STK24: variants seen among roughly 807,000 people sequenced by gnomAD.
STK24 encodes serine/threonine-protein kinase 24.
Under a neutral mutation model 55.6 loss-of-function variants are expected in STK24, and 21 were observed. The observed-to-expected ratio is 0.38, with a 90% CI of 0.27 to 0.54. The LOEUF (loss-of-function observed/expected upper bound fraction) is 0.54. Ranked by LOEUF, STK24 falls within the 20% of genes least tolerant of loss-of-function variation. The pLI, the probability that STK24 is intolerant of heterozygous loss-of-function variation, is 0.79. For synonymous variants in STK24, 200 were observed against 215.2 expected, an observed-to-expected ratio of 0.93 and a Z score of 0.62; for missense variants, 383 against 538.4, an observed-to-expected ratio of 0.71 and a Z score of 2.86.
chr13:98,474,342 T>C (rs72654399), intron 5 of STK24, among the ~76,000 whole-genome samples: 5,509 of 152,236 alleles, frequency 0.036, 148 homozygotes, highest in South Asian at 0.12. Context: ...CTCAAAGCAC[T>C]GTTCTTCCTC....
chr13:98,546,423 T>TA (rs929903345), intron 1 of STK24, among the ~76,000 whole-genome samples: 26 of 150,466 alleles, frequency 1.7e-4, no homozygotes, highest in African/African-American at 3.7e-4. Context: ...AATTTTGCTT[T>TA]AAAAAAAAAA....
chr13:98,536,281 C>G (rs1238220145), intron 1 of STK24, among the ~76,000 whole-genome samples: 3 of 152,158 alleles, frequency 2.0e-5, no homozygotes, highest in African/African-American at 4.8e-5. Context: ...TCCAGGCCAA[C>G]ACACTTCAGT....
chr13:98,519,761 T>C (rs1034716178), intron 1 of STK24, among the ~76,000 whole-genome samples: 2 of 152,200 alleles, frequency 1.3e-5, no homozygotes, highest in Non-Finnish European at 2.9e-5. Context: ...TTTTGTATAA[T>C]GAGGGTAAAT....
chr13:98,518,871 A>G (rs1216942879), intron 2 of STK24, among the ~76,000 whole-genome samples: 1 of 152,262 alleles, frequency 6.6e-6, no homozygotes, highest in Non-Finnish European at 1.5e-5. Context: ...CTGGTAAGTG[A>G]GAATATCAAA....
chr13:98,455,403 G>C (rs1893407724), intron 10 of STK24: 1 of 59,978 alleles, frequency 1.7e-5, no homozygotes, highest in Admixed American at 1.3e-4. Context: ...ACCATGCCTA[G>C]CTAAATTTTT....
chr13:98,520,807 A>G (rs1320769452), intron 1 of STK24, among the ~76,000 whole-genome samples: 2 of 152,242 alleles, frequency 1.3e-5, no homozygotes, highest in Admixed American at 1.3e-4. Flanking sequence ...CAGCGTGTCC[A>G]CCATGGCAAC....
chr13:98,446,901 T>G lies in STK24; in HGVS notation c.*6272A>C, dbSNP rs58789580. Reference sequence around the variant, plus strand: ...TCAGGATTTCTCCCAAGTCAGCGAGTGAGATGGCCCCACCCTTCCCTGCCA... The same window carrying G: ...TCAGGATTTCTCCCAAGTCAGCGAGGGAGATGGCCCCACCCTTCCCTGCCA... On this transcript the variant is annotated 3_prime_UTR_variant, in exon 11 of 11. Coordinates refer to ENST00000539966, the MANE Select transcript of STK24 (RefSeq NM_001032296.4). 1,683 of 1,445,082 alleles carry G rather than the reference T, an allele frequency of 1.2e-3. 26 individuals are homozygous for G. In the African/African-American group the frequency reaches 0.021, roughly 18 times the overall value. 89.5% of individuals were successfully genotyped at this position (1,445,082 alleles called of 1,614,324 possible). A position where few individuals can be genotyped will look rare whatever the true frequency, so the allele number is the denominator to read the frequency against.
intron 2 of STK24, among the ~76,000 whole-genome samples, chr13:98,500,244 C>G (rs1895400554): frequency 6.6e-6 from 1 of 152,202 alleles, no homozygotes; most frequent in Non-Finnish European, 1.5e-5. Flanking sequence ...TCAACCACAG[C>G]AAATGAGCAG....
At chr13:98,576,696 G>T in intron 1 of STK24, 49 bp downstream of exon 1, 1 of 1,433,226 alleles carries the variant, frequency 7.0e-7, no homozygotes, top group African/African-American at 1.5e-5. Context: ...CCAAGTTGCT[G>T]CTTCCGCCCC....
chr13:98,516,555 G>C (rs989548328), intron 2 of STK24, among the ~76,000 whole-genome samples: 6 of 149,116 alleles, frequency 4.0e-5, no homozygotes, highest in African/African-American at 1.6e-4. Context: ...TGTGGGTCAT[G>C]TGGCTGAGTT....
chr13:98,492,249 G>A (rs530084874), intron 2 of STK24, among the ~76,000 whole-genome samples: 2 of 152,166 alleles, frequency 1.3e-5, no homozygotes, highest in East Asian at 3.9e-4. Flanking sequence ...CCAAAATCAA[G>A]GAGGAAGAGG....
chr13:98,474,738 A>G, intron 5 of STK24, 83 bp downstream of exon 5: 1 of 1,504,324 alleles, frequency 6.6e-7, no homozygotes, highest in Non-Finnish European at 8.9e-7. Flanking sequence ...GTTCCAACTT[A>G]GAAAAGCTAC....
chr13:98,550,810 A>T (rs1897139040), intron 1 of STK24, among the ~76,000 whole-genome samples: 1 of 152,230 alleles, frequency 6.6e-6, no homozygotes, highest in Admixed American at 6.5e-5. Context: ...AATAAAATGA[A>T]ATCATTTATA....
intron 2 of STK24, among the ~76,000 whole-genome samples, chr13:98,514,809 TAA>T (rs1161976838): frequency 1.3e-5 from 2 of 152,226 alleles, no homozygotes; most frequent in African/African-American, 4.8e-5. Context: ...CAATCTATTT[TAA>T]GACTTGTGAA....
intron 1 of STK24, among the ~76,000 whole-genome samples, chr13:98,524,458 G>A (rs1896363488): frequency 6.6e-6 from 1 of 152,200 alleles, no homozygotes; most frequent in African/African-American, 2.4e-5. Context: ...GGATAAACAT[G>A]CAGCCAACTG....
intron 2 of STK24, among the ~76,000 whole-genome samples, chr13:98,511,137 T>C (rs1895865152): frequency 6.6e-6 from 1 of 152,214 alleles, no homozygotes; most frequent in South Asian, 2.1e-4. Context: ...GTGTTGGAAT[T>C]ACAGGGTGAG....
intron 1 of STK24, among the ~76,000 whole-genome samples, chr13:98,563,634 G>A (rs372726576): frequency 1.3e-5 from 2 of 152,052 alleles, no homozygotes; most frequent in Admixed American, 6.6e-5. Context: ...TGAGGTGGGC[G>A]GATCACGAGG....
At chr13:98,519,533 T>A in intron 1 of STK24, 60 bp from the exon 2 acceptor site, 2 of 1,325,222 alleles carry the variant, frequency 1.5e-6, no homozygotes, top group Non-Finnish European at 2.2e-6. Context: ...ACAACTCCTT[T>A]GTCAATTTTA....
At chr13:98,499,697 G>C (rs1478801687) in intron 2 of STK24, among the ~76,000 whole-genome samples, 2 of 152,142 alleles carry the variant, frequency 1.3e-5, no homozygotes, top group East Asian at 3.9e-4. Context: ...ATCAGTAGCC[G>C]AGGTAAGGAA....
Sources: allele counts gnomAD v4.1 joint callset (sites outside exome capture counted in the v4.1 genomes callset), GRCh38; gene constraint gnomAD v4.1.1; transcripts MANE v1.5; gene names NCBI Gene and HGNC (gene_info 2026-07-23, HGNC 2026-07-21).